The following NAV2 variants were observed in gnomAD, a reference collection of about 807,000 sequenced individuals.
NAV2 encodes the protein helicase, APC down-regulated 1.
Under a neutral mutation model 223.2 loss-of-function variants are expected in NAV2, and 54 were observed. That is an observed-to-expected ratio of 0.24 (90% CI 0.19 to 0.30). The LOEUF is 0.30. NAV2 is among the 10% of genes least tolerant of loss of function. The pLI is 1.00. For synonymous variants in NAV2, 1,279 were observed against 1,239.3 expected, an observed-to-expected ratio of 1.03 and a Z score of -0.67; for missense variants, 2,806 against 3,147.5, an observed-to-expected ratio of 0.89 and a Z score of 2.60.
chr11:20,039,548 A>C lies in NAV2; in HGVS notation c.2907+3451A>C, dbSNP rs116031467. Reference sequence around the variant, plus strand: ...TTAACTAAAGGTTGACTACGTTCTTAATATATTTTGTTTGTAGTCTCAAAG... The same window carrying C: ...TTAACTAAAGGTTGACTACGTTCTTCATATATTTTGTTTGTAGTCTCAAAG... On this transcript the variant is annotated intron_variant, in intron 12 of 37. Coordinates refer to ENST00000349880, the MANE Select transcript of NAV2 (RefSeq NM_145117.5). 4.2e-3 allele frequency among the ~76,000 whole-genome samples: 644 copies of C among 152,200 alleles called. 6 individuals carry two copies. The highest frequency in any genetic ancestry group is 0.014 in the African/African-American group (590 of 41,518).
intron 31 of NAV2, among the ~76,000 whole-genome samples, chr11:20,099,528 C>T (rs1462695885): frequency 1.3e-5 from 2 of 152,172 alleles, no homozygotes; most frequent in Non-Finnish European, 2.9e-5. Context: ...GCTGTCAGCA[C>T]GTCAAGTTTT....
intron 1 of NAV2, among the ~76,000 whole-genome samples, chr11:19,704,420 G>T (rs2049599308): frequency 6.6e-6 from 1 of 152,134 alleles, no homozygotes; most frequent in Non-Finnish European, 1.5e-5. Context: ...TCCTTTGATA[G>T]TATACTGTCT....
intron 1 of NAV2, among the ~76,000 whole-genome samples, chr11:19,470,467 A>G (rs71488710): frequency 0.1 from 15,185 of 152,276 alleles, 778 homozygotes; most frequent in Admixed American, 0.13. Context: ...AGAAGACGGC[A>G]TCTTGTGAGG....
At chr11:20,101,276 G>T in intron 32 of NAV2, 104 bp downstream of exon 32, 1 of 965,486 alleles carries the variant, frequency 1.0e-6, no homozygotes, top group Non-Finnish European at 1.6e-6. Flanking sequence ...AACAATCCTT[G>T]GGTGGTTTTA....
chr11:20,121,516 G>A lies in NAV2; in HGVS notation c.*3258G>A, dbSNP rs2063470533. ...TTGCCAATGATCTGCTGGACATCATGCCCCATGTCATAGAGAATAAAGCTG... is the reference window on the plus strand; with the variant it reads ...TTGCCAATGATCTGCTGGACATCATACCCCATGTCATAGAGAATAAAGCTG... On this transcript the variant is annotated 3_prime_UTR_variant, in exon 38 of 38. Coordinates refer to ENST00000349880, the MANE Select transcript of NAV2 (RefSeq NM_145117.5). 3 of 152,318 alleles carry A rather than the reference G, an allele frequency of 2.0e-5. No individual in the cohort carries two copies. The South Asian group carries it at 6.2e-4, about 32-fold the overall frequency. 9.4% of individuals were successfully genotyped at this position (152,318 alleles called of 1,614,324 possible). A position where few individuals can be genotyped will look rare whatever the true frequency, so the allele number is the denominator to read the frequency against.
chr11:20,076,965 G>A (rs1368556794), intron 22 of NAV2, among the ~76,000 whole-genome samples: 1 of 152,122 alleles, frequency 6.6e-6, no homozygotes. Flanking sequence ...TAGCAGATGG[G>A]CCTTTCAGTG....
chr11:19,609,468 G>T (rs2135314361), intron 1 of NAV2, among the ~76,000 whole-genome samples: 1 of 152,312 alleles, frequency 6.6e-6, no homozygotes, highest in Non-Finnish European at 1.5e-5. Context: ...AAGAGCAGGT[G>T]AAGGGAGGGT....
chr11:19,638,292 G>A (rs917305565), intron 1 of NAV2, among the ~76,000 whole-genome samples: 1 of 152,200 alleles, frequency 6.6e-6, no homozygotes, highest in African/African-American at 2.4e-5. Flanking sequence ...CTCTGTGTCT[G>A]AACAGTAGTA....
chr11:19,351,103 C>A, intron 1 of NAV2: 1 of 1,346,768 alleles, frequency 7.4e-7, no homozygotes, highest in South Asian at 1.3e-5. Context: ...CATAGGTGGT[C>A]ATCATCGAGC....
intron 11 of NAV2, among the ~76,000 whole-genome samples, chr11:19,990,311 G>A (rs1002140646): frequency 2.0e-5 from 3 of 152,170 alleles, no homozygotes; most frequent in Non-Finnish European, 2.9e-5. Flanking sequence ...CAGGTCAGGG[G>A]TGATGCTTCC....
At chr11:19,642,926 AG>A (rs2047705846) in intron 1 of NAV2, among the ~76,000 whole-genome samples, 1 of 152,150 alleles carries the variant, frequency 6.6e-6, no homozygotes, top group Non-Finnish European at 1.5e-5. Context: ...CCCTTGCATC[AG>A]GTGGTAGTTC....
intron 11 of NAV2, among the ~76,000 whole-genome samples, chr11:20,031,009 TCA>T: frequency 6.6e-6 from 1 of 152,316 alleles, no homozygotes; most frequent in Middle Eastern, 3.4e-3. Flanking sequence ...AGATTTAAAA[TCA>T]CACACTCTGA....
At chr11:19,347,746 G>A (rs117093076), upstream of NAV2, among the ~76,000 whole-genome samples, 3,101 of 152,250 alleles carry the variant, frequency 0.02, 40 homozygotes, top group Non-Finnish European at 0.031. Flanking sequence ...AATCCAGCAC[G>A]CATGTTCATT....
intron 1 of NAV2, among the ~76,000 whole-genome samples, chr11:19,476,760 C>T (rs1473239371): frequency 6.6e-6 from 1 of 152,184 alleles, no homozygotes; most frequent in Non-Finnish European, 1.5e-5. Flanking sequence ...CCTCTTGGGA[C>T]ACTAGTGTTC....
At chr11:19,451,545 C>G (rs1399430099) in intron 1 of NAV2, among the ~76,000 whole-genome samples, 1 of 152,182 alleles carries the variant, frequency 6.6e-6, no homozygotes, top group Non-Finnish European at 1.5e-5. Flanking sequence ...CTGTCTAAAG[C>G]TGGAGACAGA....
Position 19,453,256 on chromosome 11 carries a change from A to G in NAV2, c.75+102229A>G, listed in dbSNP as rs116725426. ...GTGGCTGGCTCATCATAGGTGTTCA[A>G]AATAAACAGGTGGATCCCAGCTGAG... On this transcript the variant is annotated intron_variant, in intron 1 of 37. Transcript: ENST00000360655. Among the ~76,000 whole-genome samples the G allele has an allele frequency of 7.4e-3, 1,134 of 152,272 alleles. 13 individuals are homozygous for G. The highest frequency in any genetic ancestry group is 0.026 in the African/African-American group (1,083 of 41,562).
At chr11:19,483,975 C>T (rs72899405) in intron 1 of NAV2, among the ~76,000 whole-genome samples, 8,621 of 152,170 alleles carry the variant, frequency 0.057, 298 homozygotes, top group East Asian at 0.14. Flanking sequence ...CCATAGGGCC[C>T]CACCCCTCTG....
chr11:19,909,143 C>G (rs2043112067), intron 6 of NAV2, among the ~76,000 whole-genome samples: 1 of 152,142 alleles, frequency 6.6e-6, no homozygotes, highest in African/African-American at 2.4e-5. Flanking sequence ...TTTCTTGGAC[C>G]TCAGTTTCCC....
intron 1 of NAV2, among the ~76,000 whole-genome samples, chr11:19,553,788 G>A (rs545659211): frequency 6.6e-6 from 1 of 152,366 alleles, no homozygotes; most frequent in East Asian, 1.9e-4. Flanking sequence ...CACCACAGCT[G>A]CCAGGGCTCC....
Sources: gnomAD v4.1 joint callset for allele counts (sites outside exome capture counted in the v4.1 genomes callset) on GRCh38, gnomAD v4.1.1 for gene constraint, MANE v1.5 for transcripts, NCBI Gene and HGNC (gene_info 2026-07-23, HGNC 2026-07-21) for gene names.